WNT7A: variants seen among roughly 807,000 people sequenced by gnomAD.
The protein encoded by WNT7A is Wnt family member 7A, also known as protein Wnt-7a.
In WNT7A, 16 loss-of-function variants were observed where a neutral mutation model predicts 28.2. The ratio of observed to expected loss-of-function variants is 0.57; its 90% CI spans 0.38 to 0.86. The LOEUF (loss-of-function observed/expected upper bound fraction) is 0.86. WNT7A is among the 40% of genes least tolerant of loss of function. The pLI, the probability that WNT7A is intolerant of heterozygous loss-of-function variation, is 0.00. For synonymous variants in WNT7A, 190 were observed against 195.9 expected, an observed-to-expected ratio of 0.97 and a Z score of 0.25; for missense variants, 411 against 489.7, an observed-to-expected ratio of 0.84 and a Z score of 1.52.
At chr3:13,860,779 G>A (rs552076394) in intron 2 of WNT7A, among the ~76,000 whole-genome samples, 190 of 152,200 alleles carry the variant, frequency 1.2e-3, no homozygotes, top group African/African-American at 4.5e-3. Flanking sequence ...TCATTCAGGT[G>A]GGTAATTTCC....
chr3:13,820,850 G>A (rs915706754), intron 3 of WNT7A, among the ~76,000 whole-genome samples: 1 of 152,158 alleles, frequency 6.6e-6, no homozygotes, highest in Non-Finnish European at 1.5e-5. Context: ...GCAATCAAAT[G>A]AGCCAGTGAT....
chr3:13,869,737 G>A (rs944103168), intron 2 of WNT7A, among the ~76,000 whole-genome samples: 9 of 148,326 alleles, frequency 6.1e-5, no homozygotes, highest in African/African-American at 2.3e-4. Context: ...AAGGAAGGAA[G>A]GAAAGAAAGA....
chr3:13,847,976 G>C (rs890417758), intron 3 of WNT7A, among the ~76,000 whole-genome samples: 2 of 152,010 alleles, frequency 1.3e-5, no homozygotes, highest in Non-Finnish European at 1.5e-5. Flanking sequence ...TTCATGCCAA[G>C]TATATTTTAT....
chr3:13,834,011 G>A (rs9829293), intron 3 of WNT7A, among the ~76,000 whole-genome samples: 3,089 of 152,246 alleles, frequency 0.02, 114 homozygotes, highest in African/African-American at 0.071. Flanking sequence ...ACTGTCACAC[G>A]GGCATAAGGC....
chr3:13,828,545 G>A (rs1419618631), intron 3 of WNT7A, among the ~76,000 whole-genome samples: 1 of 152,196 alleles, frequency 6.6e-6, no homozygotes, highest in African/African-American at 2.4e-5. Flanking sequence ...GGTGCCCTTT[G>A]TAAAACAGAT....
intron 3 of WNT7A, among the ~76,000 whole-genome samples, chr3:13,830,708 G>T (rs915305154): frequency 6.6e-6 from 1 of 152,148 alleles, no homozygotes; most frequent in East Asian, 1.9e-4. Context: ...CTGCCAGGAG[G>T]CCCCTTTTCC....
intron 2 of WNT7A, among the ~76,000 whole-genome samples, chr3:13,858,412 A>G (rs772695135): frequency 2.8e-4 from 43 of 152,302 alleles, no homozygotes; most frequent in Middle Eastern, 3.4e-3. Flanking sequence ...TCTACAGCCC[A>G]GTGGTGACCG....
rs140898708 is a variant in WNT7A at position 13,846,220 on chromosome 3, C to T, written c.570+8312G>A. ...CAACCCAAATGACCACATAGTGGGGCCTTCTAGGGGCCGAGGACTGTAGTC... is the reference window on the plus strand; with the variant it reads ...CAACCCAAATGACCACATAGTGGGGTCTTCTAGGGGCCGAGGACTGTAGTC... On this transcript the variant is annotated intron_variant, in intron 3 of 3. Coordinates refer to ENST00000285018, the MANE Select transcript of WNT7A (RefSeq NM_004625.4). Among the ~76,000 whole-genome samples, 129 of 152,376 alleles carry T rather than the reference C, an allele frequency of 8.5e-4. 2 individuals are homozygous for T. In the East Asian group the frequency reaches 0.022, roughly 26 times the overall value.
At chr3:13,851,830 T>C (rs1694642889) in intron 3 of WNT7A, among the ~76,000 whole-genome samples, 4 of 152,190 alleles carry the variant, frequency 2.6e-5, no homozygotes, top group Non-Finnish European at 5.9e-5. Context: ...AACTTCGTAT[T>C]CTGGGACCCC....
chr3:13,845,664 C>T (rs1049797307), intron 3 of WNT7A, among the ~76,000 whole-genome samples: 2 of 152,316 alleles, frequency 1.3e-5, no homozygotes, highest in East Asian at 3.9e-4. Context: ...ACAGGGAGCA[C>T]CTGCCTCTTG....
chr3:13,828,031 C>T (rs1044369301), intron 3 of WNT7A, among the ~76,000 whole-genome samples: 10 of 152,266 alleles, frequency 6.6e-5, no homozygotes, highest in African/African-American at 2.2e-4. Context: ...TTCTAGCAAG[C>T]CCAGTGAGAC....
chr3:13,836,504 A>G (rs896845276), intron 3 of WNT7A, among the ~76,000 whole-genome samples: 1 of 152,220 alleles, frequency 6.6e-6, no homozygotes, highest in Non-Finnish European at 1.5e-5. Context: ...AAAGCTTCTC[A>G]GGATTCTCAC....
intron 3 of WNT7A, among the ~76,000 whole-genome samples, chr3:13,835,517 T>A (rs1296508585): frequency 6.6e-6 from 1 of 152,202 alleles, no homozygotes; most frequent in Non-Finnish European, 1.5e-5. Flanking sequence ...GCCACCCCCA[T>A]GGGGATGCAG....
chr3:13,820,948 T>G (rs1694097376), intron 3 of WNT7A, among the ~76,000 whole-genome samples: 1 of 152,148 alleles, frequency 6.6e-6, no homozygotes, highest in Admixed American at 6.5e-5. Context: ...GTACCTCCTG[T>G]AGGCAGCAGT....
intron 3 of WNT7A, among the ~76,000 whole-genome samples, chr3:13,843,310 C>T (rs9849245): frequency 5.3e-5 from 8 of 152,250 alleles, no homozygotes; most frequent in East Asian, 1.9e-4. Context: ...TGCCTGAGAG[C>T]GTAGGACGAG....
chr3:13,858,714 G>A (rs752904129), intron 2 of WNT7A, among the ~76,000 whole-genome samples: 3 of 152,210 alleles, frequency 2.0e-5, no homozygotes, highest in Non-Finnish European at 2.9e-5. Context: ...TCAAGACACC[G>A]ATGAGGGCCA....
At chr3:13,846,890 C>A (rs1183662052) in intron 3 of WNT7A, among the ~76,000 whole-genome samples, 1 of 152,178 alleles carries the variant, frequency 6.6e-6, no homozygotes, top group Non-Finnish European at 1.5e-5. Context: ...CCACGTCCAT[C>A]CAGGTTGGGG....
chr3:13,830,143 A>G (rs1248619342), intron 3 of WNT7A, among the ~76,000 whole-genome samples: 2 of 152,006 alleles, frequency 1.3e-5, no homozygotes, highest in East Asian at 1.9e-4. Context: ...CTCAGACCCC[A>G]GCCACCCTCC....
intron 3 of WNT7A, among the ~76,000 whole-genome samples, chr3:13,841,126 A>G (rs549452953): frequency 6.6e-6 from 1 of 152,236 alleles, no homozygotes; most frequent in Non-Finnish European, 1.5e-5. Context: ...GGAATACACC[A>G]GGGGCTGGCC....
Sources: gnomAD v4.1 joint callset for allele counts (sites outside exome capture counted in the v4.1 genomes callset) on GRCh38, gnomAD v4.1.1 for gene constraint, MANE v1.5 for transcripts, NCBI Gene and HGNC (gene_info 2026-07-23, HGNC 2026-07-21) for gene names.